CCM2L: variants seen among roughly 807,000 people sequenced by gnomAD.
CCM2L encodes CCM2 like scaffold protein.
Under a neutral mutation model 54.1 loss-of-function variants are expected in CCM2L, and 36 were observed. The observed-to-expected ratio is 0.67, with a 90% CI of 0.51 to 0.88. CCM2L has a LOEUF of 0.88. Among genes scored for constraint, CCM2L ranks in the 40% least tolerant of loss-of-function variants. CCM2L has a pLI of 0.00. For synonymous variants in CCM2L, 351 were observed against 359.3 expected (o/e 0.98, Z 0.26); for missense variants, 700 against 812.1 (o/e 0.86, Z 1.68).
chr20:32,010,493 G>C lies in CCM2L; in HGVS notation c.30+9G>C, dbSNP rs1211495562. The C allele has an allele frequency of 6.5e-7, 1 of 1,537,044 alleles. No individual in the cohort carries two copies. The highest frequency in any genetic ancestry group is 2.0e-5 in the Admixed American group (1 of 50,458). On this transcript the variant is annotated intron_variant, in intron 1 of 9. Transcript: ENST00000452892. ...TCAAGAAAGGGAAGAAGGTAGGTGG[G>C]AGGTTGGGAGGGACGAAGGGAGAGG... is the stretch of plus-strand genomic sequence containing the variant.
chr20:32,014,261 A>ATAT (rs1364242332), intron 1 of CCM2L, among the ~76,000 whole-genome samples: 39 of 132,224 alleles, frequency 2.9e-4, no homozygotes, highest in African/African-American at 8.2e-4. Context: ...ATATATATAT[A>ATAT]TTTTTTTTTT....
chr20:32,013,281 A>G (rs1400230739), intron 1 of CCM2L, among the ~76,000 whole-genome samples: 1 of 152,246 alleles, frequency 6.6e-6, no homozygotes, highest in African/African-American at 2.4e-5. Context: ...TCTGGGCAAC[A>G]GAGCAACATC....
intron 6 of CCM2L, among the ~76,000 whole-genome samples, chr20:32,024,025 G>A (rs539218178): frequency 6.6e-5 from 10 of 152,136 alleles, no homozygotes; most frequent in African/African-American, 9.7e-5. Flanking sequence ...GAGCCACCGC[G>A]CCTGGCCACG....
At chr20:32,023,627 G>A (rs1002861290) in intron 6 of CCM2L, among the ~76,000 whole-genome samples, 2 of 152,358 alleles carry the variant, frequency 1.3e-5, no homozygotes, top group Middle Eastern at 3.4e-3. Context: ...TGCCTAGCAC[G>A]AGACTGGGTA....
In CCM2L at chr20:32,010,480, A is replaced by G. The variant is rs2122303148; in HGVS notation, c.26A>G (p.Lys9Arg). The G allele has an allele frequency of 7.1e-7, 1 of 1,408,532 alleles. No individual in the cohort carries two copies. Among genetic ancestry groups the G allele is most frequent in the East Asian group, 3.5e-5 (1 of 28,922 alleles). 87.3% of individuals were successfully genotyped at this position (1,408,532 alleles called of 1,614,324 possible). The change falls in exon 1 of 10, where the codon AAG (lysine) becomes AGG (arginine). Residue 9 changes from lysine to arginine, a missense_variant. Coordinates refer to ENST00000452892, the MANE Select transcript of CCM2L (RefSeq NM_001365692.1). ...ATGGAATATGAAGTCAAGAAAGGGAAGAAGGTAGGTGGGAGGTTGGGAGGG... is the reference window on the plus strand; with the variant it reads ...ATGGAATATGAAGTCAAGAAAGGGAGGAAGGTAGGTGGGAGGTTGGGAGGG... MEYEVKKG[K>R]KGFVSPIRRL...
At position 32,016,782 on chromosome 20, in the gene CCM2L, T is replaced by C. The variant is rs183928456; in HGVS notation, c.199-1018T>C. On this transcript the variant is annotated intron_variant, in intron 2 of 9. Coordinates refer to ENST00000452892, the MANE Select transcript of CCM2L (RefSeq NM_001365692.1). The stretch of plus-strand genomic sequence containing the variant: ...CTGCTTAAAAATTGAGGGCTGAAAT[T>C]TGATAAAGAATAAAAAGAAGAGAAA... Among the ~76,000 whole-genome samples the C allele has an allele frequency of 1.0e-3, 152 of 152,232 alleles. 1 individual carries two copies. Among genetic ancestry groups the C allele is most frequent in the African/African-American group, 3.5e-3 (145 of 41,532 alleles).
At chr20:32,030,034 G>C (rs1353647370) in intron 9 of CCM2L, among the ~76,000 whole-genome samples, 196 bp downstream of exon 9, 1 of 152,180 alleles carries the variant, frequency 6.6e-6, no homozygotes, top group Non-Finnish European at 1.5e-5. Flanking sequence ...GGGAGACACT[G>C]TTGATAAGAA....
chr20:32,013,076 A>C (rs2064707362), intron 1 of CCM2L, among the ~76,000 whole-genome samples: 1 of 152,184 alleles, frequency 6.6e-6, no homozygotes, highest in South Asian at 2.1e-4. Flanking sequence ...AGGCAGGAGA[A>C]TCATTTGAGC....
intron 1 of CCM2L, among the ~76,000 whole-genome samples, chr20:32,013,874 C>T (rs2064715254): frequency 6.6e-6 from 1 of 152,152 alleles, no homozygotes; most frequent in African/African-American, 2.4e-5. Context: ...GGCCCTACTC[C>T]CAGAGTTTCT....
At chr20:32,028,967 G>A (rs748906240) in intron 7 of CCM2L, 28 bp from the exon 8 acceptor site, 2 of 1,613,130 alleles carry the variant, frequency 1.2e-6, no homozygotes, top group African/African-American at 1.3e-5. Context: ...AGGGAGGCGA[G>A]TGAAGGCCCT....
Position 32,031,245 on chromosome 20 carries a change from C to G in CCM2L, c.1647C>G (p.Asp549Glu), listed in dbSNP as rs1043171969. The change falls in exon 10 of 10, where the codon GAC (aspartate) becomes GAG (glutamate). Residue 549 changes from aspartate to glutamate, a missense_variant. Transcript: ENST00000452892. ...TCGAGGCGCTGGCCCCCGATGACGA[C>G]GACGACGACGAGGATGAGCCCCGGG... ...HDIEALAPDD[D>E]DDDEDEPRGS... 167 of 1,298,304 alleles carry G rather than the reference C, an allele frequency of 1.3e-4. No individual in the cohort carries two copies. Among genetic ancestry groups the G allele is most frequent in the Non-Finnish European group, 1.6e-4 (161 of 988,464 alleles). The allele number at this position is 1,298,304 out of a possible 1,614,324, so 80.4% of individuals were successfully genotyped here.
At chr20:32,018,739 GC>G (rs2064765847) in intron 4 of CCM2L, among the ~76,000 whole-genome samples, 1 of 152,214 alleles carries the variant, frequency 6.6e-6, no homozygotes, top group South Asian at 2.1e-4. Flanking sequence ...CCACCGAGAG[GC>G]CAGGGGTGGA....
In CCM2L at chr20:32,029,719, C is replaced by A; in HGVS notation, c.1283C>A (p.Pro428His). Reference sequence around the variant, plus strand: ...ACATAGTTGCGGAGTAAGCTGGGGCCCCTCGAGATCCAGCAGTTTGCGATG... The same window carrying A: ...ACATAGTTGCGGAGTAAGCTGGGGCACCTCGAGATCCAGCAGTTTGCGATG... ...YMVTLRSKLG[P>H]LEIQQFAMLL... The change falls in exon 9 of 10, where the codon CCC becomes CAC. Residue 428 changes from proline (P) to histidine (H), a missense_variant. Coordinates refer to ENST00000452892, the MANE Select transcript of CCM2L (RefSeq NM_001365692.1). 1 of 1,611,510 alleles carries A rather than the reference C, an allele frequency of 6.2e-7. No individual in the cohort carries two copies. Among genetic ancestry groups the A allele is most frequent in the Non-Finnish European group, 8.5e-7 (1 of 1,178,658 alleles).
Position 32,018,765 on chromosome 20 carries a change from G to A in CCM2L, c.467-178G>A, listed in dbSNP as rs1276019204. Among the ~76,000 whole-genome samples the A allele has an allele frequency of 1.3e-5, 2 of 152,152 alleles. 1 individual carries two copies. Among genetic ancestry groups the A allele is most frequent in the Non-Finnish European group, 2.9e-5 (2 of 67,998 alleles). ...CCAGGGGTGGAGACTGAGGCCGGGGGCGGGCCCGAAAGTGTGGAAGCGGAG... is the reference window on the plus strand; with the variant it reads ...CCAGGGGTGGAGACTGAGGCCGGGGACGGGCCCGAAAGTGTGGAAGCGGAG... On this transcript the variant is annotated intron_variant, in intron 4 of 9. Coordinates refer to ENST00000452892, the MANE Select transcript of CCM2L (RefSeq NM_001365692.1).
At chr20:32,012,077 G>A (rs1476183335) in intron 1 of CCM2L, among the ~76,000 whole-genome samples, 1 of 151,720 alleles carries the variant, frequency 6.6e-6, no homozygotes, top group Non-Finnish European at 1.5e-5. Flanking sequence ...CCCTCTGCTT[G>A]GCATGCTTTC....
chr20:32,031,411 C>T lies in CCM2L; in HGVS notation c.*97C>T, dbSNP rs1189095889. On this transcript the variant is annotated 3_prime_UTR_variant, in exon 10 of 10. Coordinates refer to ENST00000452892, the MANE Select transcript of CCM2L (RefSeq NM_001365692.1). ...CCCAGGGCCCCCCCATCACACCTGG[C>T]GGGGCCGGGGGGTCTTCACTCCAGG... 3.8e-6 allele frequency: 4 copies of T among 1,049,438 alleles called. No individual in the cohort carries two copies. Among genetic ancestry groups the T allele is most frequent in the Non-Finnish European group, 4.9e-6 (4 of 813,990 alleles). 65.0% of individuals were successfully genotyped at this position (1,049,438 alleles called of 1,614,324 possible). A position where few individuals can be genotyped will look rare whatever the true frequency, so the allele number is the denominator to read the frequency against.
chr20:32,017,746 C>T, intron 2 of CCM2L, 54 bp from the exon 3 acceptor site: 1 of 1,461,106 alleles, frequency 6.8e-7, no homozygotes, highest in Non-Finnish European at 9.6e-7. Context: ...CAGGGTTCTT[C>T]AAGGTTTCAG....
At position 32,032,052 on chromosome 20, in the gene CCM2L, A is replaced by G. The variant is rs2122387375; in HGVS notation, c.*738A>G. 1 of 152,252 alleles carries G rather than the reference A, an allele frequency of 6.6e-6. No individual in the cohort carries two copies. Among genetic ancestry groups the G allele is most frequent in the Non-Finnish European group, 1.5e-5 (1 of 68,040 alleles). 9.4% of individuals were successfully genotyped at this position (152,252 alleles called of 1,614,324 possible). ...ACCTCTGTGTGCCTCCCGTTACCCCATCTGTCCAGTGAGCTCAGCCCCCAT... is the reference window on the plus strand; with the variant it reads ...ACCTCTGTGTGCCTCCCGTTACCCCGTCTGTCCAGTGAGCTCAGCCCCCAT... On this transcript the variant is annotated 3_prime_UTR_variant, in exon 10 of 10. Transcript: ENST00000452892.
intron 2 of CCM2L, 98 bp downstream of exon 2, chr20:32,015,169 G>C (rs776197958): frequency 4.0e-5 from 51 of 1,263,668 alleles, no homozygotes; most frequent in Admixed American, 8.9e-5. Flanking sequence ...TCACACAGGG[G>C]AAGTTGTGGC....
Sources: gnomAD v4.1 joint callset for allele counts (sites outside exome capture counted in the v4.1 genomes callset) on GRCh38, gnomAD v4.1.1 for gene constraint, MANE v1.5 for transcripts, NCBI Gene and HGNC (gene_info 2026-07-23, HGNC 2026-07-21) for gene names.